Variants in FRS2 observed in about 807,000 individuals in gnomAD.
FRS2 encodes FGFR signalling adaptor.
A neutral mutation model predicts 43.9 loss-of-function variants in FRS2; 8 were observed. That is an observed-to-expected ratio of 0.18 (90% CI 0.11 to 0.33). The LOEUF is 0.33. FRS2 is among the 10% of genes least tolerant of loss of function. The probability of loss-of-function intolerance (pLI) is 1.00; values close to 1 mark genes in which losing one functional copy is unlikely to be tolerated. For synonymous variants in FRS2, 219 were observed against 220.3 expected (o/e 0.99, Z 0.05); for missense variants, 534 against 627.6 (o/e 0.85, Z 1.59).
At chr12:69,553,536 T>G (rs1023473058) in intron 3 of FRS2, among the ~76,000 whole-genome samples, 6 of 152,212 alleles carry the variant, frequency 3.9e-5, no homozygotes, top group Non-Finnish European at 7.3e-5. Flanking sequence ...TTGATTAAAT[T>G]TTCCCTTCTT....
chr12:69,485,134 C>CACACACACACACATAT (rs1194988609), intron 1 of FRS2, among the ~76,000 whole-genome samples: 3 of 134,274 alleles, frequency 2.2e-5, no homozygotes, highest in Non-Finnish European at 3.1e-5. Flanking sequence ...CACACACACA[C>CACACACACACACATAT]ACTCTCACCC....
chr12:69,565,888 C>CAT (rs1880254064), intron 4 of FRS2, among the ~76,000 whole-genome samples: 1 of 152,034 alleles, frequency 6.6e-6, no homozygotes, highest in Admixed American at 6.5e-5. Context: ...ATAGTAAATA[C>CAT]ATAAACCAAT....
intron 1 of FRS2, among the ~76,000 whole-genome samples, chr12:69,473,237 C>T (rs1696151062): frequency 1.3e-5 from 2 of 152,184 alleles, no homozygotes; most frequent in South Asian, 2.1e-4. Context: ...AGTTACTTGC[C>T]TGGGCTATGT....
At position 69,536,235 on chromosome 12, in the gene FRS2, G is replaced by A. The variant is rs551614880; in HGVS notation, c.-122+4179G>A. ...CATCTCCTGGGTTCAAGGAATTCTC[G>A]TGCCTCAACCTTCTGAGTAGCTGGG... On this transcript the variant is annotated intron_variant, in intron 3 of 8. Transcript: ENST00000549921. Among the ~76,000 whole-genome samples the A allele has an allele frequency of 2.8e-5, 4 of 141,604 alleles. No homozygotes were observed. In the East Asian group the frequency reaches 6.9e-4, roughly 24 times the overall value. The allele number at this position is 141,604 out of a possible 152,430, so 92.9% of individuals were successfully genotyped here.
At chr12:69,519,240 T>C (rs1212964212) in intron 1 of FRS2, among the ~76,000 whole-genome samples, 1 of 152,188 alleles carries the variant, frequency 6.6e-6, no homozygotes, top group African/African-American at 2.4e-5. Flanking sequence ...CCTGGGATTG[T>C]ATAAAAGGCA....
intron 1 of FRS2, among the ~76,000 whole-genome samples, chr12:69,503,271 A>G (rs897027061): frequency 4.6e-5 from 7 of 151,968 alleles, no homozygotes; most frequent in Non-Finnish European, 8.8e-5. Context: ...TATGGAGAAT[A>G]TCGTTTTTGT....
chr12:69,473,279 A>G (rs545079414), intron 1 of FRS2, among the ~76,000 whole-genome samples: 1 of 152,368 alleles, frequency 6.6e-6, no homozygotes, highest in East Asian at 1.9e-4. Flanking sequence ...ATTTGAATCC[A>G]AATCTGTCTG....
intron 1 of FRS2, among the ~76,000 whole-genome samples, chr12:69,475,131 G>A (rs932427488): frequency 6.6e-5 from 10 of 152,138 alleles, no homozygotes; most frequent in Non-Finnish European, 1.5e-4. Context: ...TATTTAAATA[G>A]GGGGAACTTG....
intron 1 of FRS2, among the ~76,000 whole-genome samples, chr12:69,503,970 G>A (rs1408459943): frequency 2.0e-5 from 3 of 152,106 alleles, no homozygotes; most frequent in African/African-American, 7.2e-5. Flanking sequence ...TTGGGAAGCC[G>A]AGGTGGGTGT....
In FRS2 at chr12:69,574,530, G is replaced by A; in HGVS notation, c.1102G>A (p.Glu368Lys). Residue 368 changes from glutamate to lysine, a missense_variant, in exon 9 of 9, where the codon GAA (glutamate) becomes AAA (lysine). Transcript: ENST00000549921. Reference protein sequence around the residue: ...VWEARKLSRDEDDNLGPKTPS... With the variant: ...VWEARKLSRDKDDNLGPKTPS... Reference sequence around the variant, plus strand: ...GGAAGCCCGCAAGCTAAGTAGGGATGAAGATGACAATTTAGGACCAAAGAC... The same window carrying A: ...GGAAGCCCGCAAGCTAAGTAGGGATAAAGATGACAATTTAGGACCAAAGAC... 2.5e-6 allele frequency: 4 copies of A among 1,614,132 alleles called. No homozygotes were observed. The highest frequency in any genetic ancestry group is 3.4e-6 in the Non-Finnish European group (4 of 1,180,016).
chr12:69,505,742 G>A (rs1873870436), intron 1 of FRS2, among the ~76,000 whole-genome samples: 1 of 152,174 alleles, frequency 6.6e-6, no homozygotes, highest in Non-Finnish European at 1.5e-5. Flanking sequence ...TATTTGTAGT[G>A]GAGGAAAAGT....
chr12:69,570,173 A>G (rs1880629479), intron 5 of FRS2, among the ~76,000 whole-genome samples, 158 bp from the exon 6 acceptor site: 2 of 152,196 alleles, frequency 1.3e-5, no homozygotes, highest in African/African-American at 4.8e-5. Flanking sequence ...TAAATTTCTT[A>G]CAGATCTGAA....
In FRS2 at chr12:69,485,107, A is replaced by ACACGCGCG. The variant is rs1380763826; in HGVS notation, c.-261+14580_-261+14581insGCGCGCAC. Among the ~76,000 whole-genome samples, 3 of 147,164 alleles carry ACACGCGCG rather than the reference A, an allele frequency of 2.0e-5. No individual in the cohort carries two copies. In the East Asian group the frequency reaches 6.0e-4, roughly 29 times the overall value. On this transcript the variant is annotated intron_variant, in intron 1 of 8. Coordinates refer to ENST00000549921, the MANE Select transcript of FRS2 (RefSeq NM_001278356.2). ...AACACACACACACACACACACACAC[A>ACACGCGCG]CACACACACACACACACACACACAC... is the stretch of plus-strand genomic sequence containing the variant.
At chr12:69,517,465 A>AT (rs879862060) in intron 1 of FRS2, among the ~76,000 whole-genome samples, 140 of 145,304 alleles carry the variant, frequency 9.6e-4, no homozygotes, top group East Asian at 4.6e-3. Flanking sequence ...CAACCTGTAC[A>AT]TTTTTTTTTT....
intron 1 of FRS2, among the ~76,000 whole-genome samples, chr12:69,499,076 ATCTAT>A (rs1378634818): frequency 1.3e-5 from 2 of 152,190 alleles, no homozygotes; most frequent in Non-Finnish European, 2.9e-5. Flanking sequence ...TACCATGAAA[ATCTAT>A]TATATTGGTA....
At chr12:69,539,233 C>A (rs1400833244) in intron 3 of FRS2, among the ~76,000 whole-genome samples, 1 of 152,068 alleles carries the variant, frequency 6.6e-6, no homozygotes, top group Non-Finnish European at 1.5e-5. Context: ...CATCACCATG[C>A]CTGGCAAATT....
chr12:69,551,318 A>G (rs764320920), intron 3 of FRS2, among the ~76,000 whole-genome samples: 2 of 152,214 alleles, frequency 1.3e-5, no homozygotes, highest in Non-Finnish European at 2.9e-5. Flanking sequence ...GCCCCACTAC[A>G]CTGCAGCCTG....
At chr12:69,573,886 T>G in intron 8 of FRS2, 119 bp from the exon 9 acceptor site, 2 of 625,804 alleles carry the variant, frequency 3.2e-6, no homozygotes, top group Non-Finnish European at 5.4e-6. Flanking sequence ...TAAGAGTACA[T>G]TTGGAGAGAA....
chr12:69,538,244 A>G (rs1222077597), intron 3 of FRS2, among the ~76,000 whole-genome samples: 1 of 119,324 alleles, frequency 8.4e-6, no homozygotes, highest in Non-Finnish European at 1.6e-5. Context: ...TTATATATAT[A>G]TATACATATA....
Sources: allele counts gnomAD v4.1 joint callset (sites outside exome capture counted in the v4.1 genomes callset), GRCh38; gene constraint gnomAD v4.1.1; transcripts MANE v1.5; gene names NCBI Gene and HGNC (gene_info 2026-07-23, HGNC 2026-07-21).